SLC24A3: variants seen among roughly 807,000 people sequenced by gnomAD.
The protein encoded by SLC24A3 is sodium/potassium/calcium exchanger 3.
In SLC24A3, 28 loss-of-function variants were observed where a neutral mutation model predicts 75.8. The observed-to-expected ratio is 0.37, with a 90% CI of 0.27 to 0.51. The LOEUF (loss-of-function observed/expected upper bound fraction) is 0.51, where lower values mean the gene tolerates loss of function less well. SLC24A3 is among the 20% of genes least tolerant of loss of function. The probability of loss-of-function intolerance (pLI) is 0.94; values close to 1 mark genes in which losing one functional copy is unlikely to be tolerated. For missense variants in SLC24A3, 663 were observed against 847.8 expected, an observed-to-expected ratio of 0.78 and a Z score of 2.71; for synonymous variants, 372 against 334.1, an observed-to-expected ratio of 1.11 and a Z score of -1.24.
chr20:19,362,193 A>G lies in SLC24A3; in HGVS notation c.271+81106A>G, dbSNP rs952576463. Among the ~76,000 whole-genome samples the G allele has an allele frequency of 3.3e-5, 5 of 152,256 alleles. No individual in the cohort carries two copies. The South Asian group carries it at 6.2e-4, about 19-fold the overall frequency. ...GTGAAATCTCGCATTCTCTGGCAAC[A>G]TAGACGCAGGAGATGTTATTTTAAT... On this transcript the variant is annotated intron_variant, in intron 2 of 16. Coordinates refer to ENST00000328041, the MANE Select transcript of SLC24A3 (RefSeq NM_020689.4).
intron 2 of SLC24A3, among the ~76,000 whole-genome samples, chr20:19,501,422 T>C (rs956023869): frequency 1.3e-5 from 2 of 152,196 alleles, no homozygotes; most frequent in Non-Finnish European, 2.9e-5. Context: ...CACAAGTTTC[T>C]CTAGACTCGA....
At chr20:19,321,563 T>C (rs909424378) in intron 2 of SLC24A3, among the ~76,000 whole-genome samples, 2 of 152,218 alleles carry the variant, frequency 1.3e-5, no homozygotes, top group Admixed American at 6.5e-5. Flanking sequence ...TCTAGACTGT[T>C]AGATCATCCA....
intron 1 of SLC24A3, among the ~76,000 whole-genome samples, chr20:19,230,730 A>T (rs1600384604): frequency 6.6e-6 from 1 of 151,868 alleles, no homozygotes; most frequent in East Asian, 1.9e-4. Flanking sequence ...TGGGATTCAC[A>T]CCTGGGGACC....
At chr20:19,234,260 TC>T (rs1982105118) in intron 1 of SLC24A3, among the ~76,000 whole-genome samples, 1 of 152,126 alleles carries the variant, frequency 6.6e-6, no homozygotes, top group African/African-American at 2.4e-5. Flanking sequence ...CATGGGCCCC[TC>T]CCCAACCTGC....
intron 1 of SLC24A3, among the ~76,000 whole-genome samples, chr20:19,269,805 G>A (rs1358603863): frequency 6.6e-6 from 1 of 152,188 alleles, no homozygotes; most frequent in South Asian, 2.1e-4. Flanking sequence ...CACAATTATA[G>A]TATTTGCTCC....
At chr20:19,234,083 T>G (rs893085785) in intron 1 of SLC24A3, among the ~76,000 whole-genome samples, 1 of 152,252 alleles carries the variant, frequency 6.6e-6, no homozygotes, top group South Asian at 2.1e-4. Context: ...TTGTAAATGT[T>G]ATTTTCTTTT....
At chr20:19,373,475 C>G (rs1458863243) in intron 2 of SLC24A3, among the ~76,000 whole-genome samples, 1 of 152,214 alleles carries the variant, frequency 6.6e-6, no homozygotes, top group Non-Finnish European at 1.5e-5. Flanking sequence ...ACTCAGCAGG[C>G]AGATCCTTGC....
chr20:19,526,457 C>G (rs1677594603), intron 3 of SLC24A3, among the ~76,000 whole-genome samples: 3 of 152,192 alleles, frequency 2.0e-5, no homozygotes, highest in Admixed American at 1.3e-4. Flanking sequence ...AATGTTAGCT[C>G]TCATATTATT....
chr20:19,585,177 C>A, intron 5 of SLC24A3, 122 bp downstream of exon 5: 1 of 878,936 alleles, frequency 1.1e-6, no homozygotes. Flanking sequence ...CCAGGGACCC[C>A]AATGAGTAGA....
At chr20:19,462,379 C>G (rs958566428) in intron 2 of SLC24A3, among the ~76,000 whole-genome samples, 1 of 152,112 alleles carries the variant, frequency 6.6e-6, no homozygotes, top group African/African-American at 2.4e-5. Flanking sequence ...CCTGCCTCAG[C>G]CTCCCTAGTA....
At chr20:19,703,607 A>T (rs1309216442) in intron 15 of SLC24A3, among the ~76,000 whole-genome samples, 1 of 152,236 alleles carries the variant, frequency 6.6e-6, no homozygotes, top group Non-Finnish European at 1.5e-5. Flanking sequence ...GTTAGATCTC[A>T]TATCCTCTAG....
intron 2 of SLC24A3, among the ~76,000 whole-genome samples, chr20:19,340,125 A>G (rs1019285711): frequency 2.6e-5 from 4 of 152,174 alleles, no homozygotes; most frequent in African/African-American, 9.7e-5. Flanking sequence ...CCAGTAACTC[A>G]CAATGTGACC....
At chr20:19,297,735 C>G (rs372082730) in intron 2 of SLC24A3, among the ~76,000 whole-genome samples, 33 of 152,258 alleles carry the variant, frequency 2.2e-4, no homozygotes, top group African/African-American at 7.7e-4. Flanking sequence ...AGATTTTAGT[C>G]ATTTTTCTTA....
chr20:19,442,941 A>G (rs1352549197), intron 2 of SLC24A3, among the ~76,000 whole-genome samples: 1 of 152,178 alleles, frequency 6.6e-6, no homozygotes, highest in Non-Finnish European at 1.5e-5. Flanking sequence ...ACCATTTATT[A>G]AATACTGTCT....
At chr20:19,390,301 G>A (rs146015811) in intron 2 of SLC24A3, among the ~76,000 whole-genome samples, 12 of 152,324 alleles carry the variant, frequency 7.9e-5, no homozygotes, top group South Asian at 2.1e-4. Context: ...TTGTGGCCAT[G>A]TGTTGGTATC....
At position 19,721,010 on chromosome 20, in the gene SLC24A3, A is replaced by G. The variant is rs879799775; in HGVS notation, c.1805A>G (p.Asn602Ser). ...CTGCAGGTGTTCGGCGTCCACCTGAACAAGTGGCAGCTGGACAAGAAGCTG... is the reference window on the plus strand; with the variant it reads ...CTGCAGGTGTTCGGCGTCCACCTGAGCAAGTGGCAGCTGGACAAGAAGCTG... ...VFVTVFGVHL[N>S]KWQLDKKLGC... Residue 602 changes from asparagine (N) to serine (S), a missense_variant, in exon 17 of 17, where the codon AAC becomes AGC. This residue lies in a region of SLC24A3 where 510 missense variants were observed against 703.6 expected (regional missense o/e 0.72). Coordinates refer to ENST00000328041, the MANE Select transcript of SLC24A3 (RefSeq NM_020689.4). The G allele has an allele frequency of 2.5e-6, 4 of 1,613,828 alleles. No homozygotes were observed. The highest frequency in any genetic ancestry group is 3.4e-6 in the Non-Finnish European group (4 of 1,179,922).
intron 2 of SLC24A3, among the ~76,000 whole-genome samples, chr20:19,483,800 C>T (rs1988091887): frequency 6.6e-6 from 1 of 152,126 alleles, no homozygotes; most frequent in Non-Finnish European, 1.5e-5. Flanking sequence ...TTGGGTCACA[C>T]TGGAAGTCAA....
chr20:19,296,268 C>CTT (rs35229035), intron 2 of SLC24A3, among the ~76,000 whole-genome samples: 6,407 of 72,194 alleles, frequency 0.089, 1,302 homozygotes, highest in African/African-American at 0.3. Flanking sequence ...AGCTAGTGGT[C>CTT]TTTTTTTTTT....
chr20:19,671,846 C>A (rs1175494794), intron 8 of SLC24A3, among the ~76,000 whole-genome samples: 2 of 151,614 alleles, frequency 1.3e-5, no homozygotes, highest in African/African-American at 4.9e-5. Flanking sequence ...AGGATGAGGT[C>A]ACCTAGGGAG....
Sources: gnomAD v4.1 joint callset for allele counts (sites outside exome capture counted in the v4.1 genomes callset) on GRCh38, gnomAD v4.1.1 for gene constraint, gnomAD v4.1.1 regional missense constraint, MANE v1.5 for transcripts, NCBI Gene and HGNC (gene_info 2026-07-23, HGNC 2026-07-21) for gene names.